The following ZNF569 variants were observed in gnomAD, a reference collection of about 807,000 sequenced individuals.
ZNF569 encodes the protein DNA-binding protein.
A neutral mutation model predicts 56.3 loss-of-function variants in ZNF569; 38 were observed. The ratio of observed to expected loss-of-function variants is 0.68; its 90% CI spans 0.52 to 0.88. The LOEUF (loss-of-function observed/expected upper bound fraction) is 0.88. Among genes scored for constraint, ZNF569 ranks in the 40% least tolerant of loss-of-function variants. The pLI is 0.00. For synonymous variants in ZNF569, 241 were observed against 262.9 expected, an observed-to-expected ratio of 0.92 and a Z score of 0.81; for missense variants, 666 against 809.2, an observed-to-expected ratio of 0.82 and a Z score of 2.15.
intron 1 of ZNF569, 133 bp downstream of exon 1, chr19:37,466,951 G>T: frequency 6.5e-6 from 1 of 152,702 alleles, no homozygotes; most frequent in Non-Finnish European, 1.5e-5. Context: ...CACTGCCTCA[G>T]GGAACCACAA....
rs2040853814 is a variant in ZNF569, at chr19:37,412,475, TG to T, written c.*121del. 7.3e-7 allele frequency: 1 copy of T among 1,366,040 alleles called. No homozygotes were observed. The highest frequency in any genetic ancestry group is 9.4e-7 in the Non-Finnish European group (1 of 1,058,434). The allele number at this position is 1,366,040 out of a possible 1,614,324, so 84.6% of individuals were successfully genotyped here. On this transcript the variant is annotated 3_prime_UTR_variant, in exon 6 of 6. Transcript: ENST00000316950. ...AATTCTCTAATGTTTCATAAATTTG[TG>T]GCTTTTTCAGAAGGCTATCCCACAT...
At chr19:37,419,953 C>CT (rs2041002365) in intron 5 of ZNF569, among the ~76,000 whole-genome samples, 1 of 136,034 alleles carries the variant, frequency 7.4e-6, no homozygotes, top group Non-Finnish European at 1.6e-5. Context: ...GTAGCAATTT[C>CT]TTTTTTCTTT....
At chr19:37,469,020 C>T, upstream of ZNF569, 1 of 983,838 alleles carries the variant, frequency 1.0e-6, no homozygotes, top group South Asian at 4.7e-5. Context: ...AACTCCCCGC[C>T]CTGGTTGCTA....
upstream of ZNF569, chr19:37,467,792 A>T: frequency 7.9e-7 from 1 of 1,261,430 alleles, no homozygotes; most frequent in South Asian, 1.3e-5. Flanking sequence ...GTCCAGTGAC[A>T]TCTGAGGTCG....
At chr19:37,417,943 A>T (rs1050730882) in intron 5 of ZNF569, among the ~76,000 whole-genome samples, 8 of 151,996 alleles carry the variant, frequency 5.3e-5, no homozygotes, top group Non-Finnish European at 8.8e-5. Context: ...TCTACTAAAA[A>T]TACAAAAATT....
At chr19:37,463,079 T>G (rs2041779605) in intron 2 of ZNF569, among the ~76,000 whole-genome samples, 1 of 152,200 alleles carries the variant, frequency 6.6e-6, no homozygotes, top group African/African-American at 2.4e-5. Context: ...AAAACAGTAT[T>G]GTGTCACCTT....
In ZNF569 at chr19:37,413,806, A is replaced by G. The variant is rs765016520; in HGVS notation, c.852T>C (p.Asn284=). The change falls in exon 6 of 6, where the codon AAT becomes AAC. Residue 284 remains asparagine (N), a synonymous_variant. Coordinates refer to ENST00000316950, the MANE Select transcript of ZNF569 (RefSeq NM_152484.3). Reference sequence around the variant, plus strand: ...TATGAATTTTTTCATGATCAATAAGATTTGATTTCTGGCTGAAGGACTTCT... The same window carrying G: ...TATGAATTTTTTCATGATCAATAAGGTTTGATTTCTGGCTGAAGGACTTCT... ...ECEKSFSQKS[N]LIDHEKIHTG... The G allele has an allele frequency of 5.0e-6, 8 of 1,613,422 alleles. No homozygotes were observed. The highest frequency in any genetic ancestry group is 1.1e-5 in the South Asian group (1 of 91,074).
At chr19:37,435,727 CA>C (rs1333661072) in intron 3 of ZNF569, among the ~76,000 whole-genome samples, 1 of 151,822 alleles carries the variant, frequency 6.6e-6, no homozygotes, top group Non-Finnish European at 1.5e-5. Flanking sequence ...GACTTCAAGA[CA>C]AAAACTATAA....
chr19:37,467,817 CTTTT>C (rs2041873811), upstream of ZNF569: 1 of 1,489,522 alleles, frequency 6.7e-7, no homozygotes, highest in Non-Finnish European at 9.1e-7. Context: ...AATATGCGAC[CTTTT>C]GTGTGACCAT....
upstream of ZNF569, chr19:37,467,759 G>A (rs767844565): frequency 4.6e-5 from 39 of 839,586 alleles, no homozygotes; most frequent in Non-Finnish European, 7.0e-5. Context: ...ATTTGGAGTG[G>A]GGTTTCCAGG....
chr19:37,412,458 A>G lies in ZNF569; in HGVS notation c.*139T>C, dbSNP rs1470265149. On this transcript the variant is annotated 3_prime_UTR_variant, in exon 6 of 6. Coordinates refer to ENST00000316950, the MANE Select transcript of ZNF569 (RefSeq NM_152484.3). ...ATTTGTCACCTTGGAAGAATTCTCT[A>G]ATGTTTCATAAATTTGTGGCTTTTT... 3.0e-6 allele frequency: 4 copies of G among 1,346,120 alleles called. No homozygotes were observed. The highest frequency in any genetic ancestry group is 3.8e-6 in the Non-Finnish European group (4 of 1,044,916). 83.4% of individuals were successfully genotyped at this position (1,346,120 alleles called of 1,614,324 possible).
chr19:37,432,357 G>A (rs2041240184), intron 3 of ZNF569, among the ~76,000 whole-genome samples: 1 of 152,206 alleles, frequency 6.6e-6, no homozygotes, highest in Non-Finnish European at 1.5e-5. Context: ...AAGACAACAA[G>A]AGTCTCTACC....
chr19:37,458,467 T>G (rs2041707718), intron 2 of ZNF569, among the ~76,000 whole-genome samples: 1 of 152,242 alleles, frequency 6.6e-6, no homozygotes, highest in African/African-American at 2.4e-5. Context: ...CATCAGTTCC[T>G]TCTTGCCTTT....
chr19:37,469,041 G>A, upstream of ZNF569: 2 of 990,882 alleles, frequency 2.0e-6, no homozygotes, highest in African/African-American at 1.7e-5. Context: ...AGGGAGGCGC[G>A]CAGAGCGCTT....
At chr19:37,456,962 C>T (rs113352249) in intron 2 of ZNF569, among the ~76,000 whole-genome samples, 1,850 of 143,830 alleles carry the variant, frequency 0.013, 43 homozygotes, top group African/African-American at 0.045. Context: ...AGGGAGACAC[C>T]GTCTCAAAAA....
chr19:37,429,242 T>A (rs2041186286), intron 3 of ZNF569, among the ~76,000 whole-genome samples: 1 of 152,088 alleles, frequency 6.6e-6, no homozygotes, highest in Non-Finnish European at 1.5e-5. Context: ...AGGCACGAGG[T>A]ATACCATTTC....
chr19:37,466,393 A>G (rs6508724), intron 1 of ZNF569, among the ~76,000 whole-genome samples: 97,033 of 151,636 alleles, frequency 0.64, 32,661 homozygotes, highest in African/African-American at 0.86. Context: ...ACTTTGGGAG[A>G]ACGAGGCGGG....
chr19:37,467,620 C>T (rs1343270826), upstream of ZNF569: 2 of 558,920 alleles, frequency 3.6e-6, no homozygotes, highest in Admixed American at 3.2e-5. Context: ...TAGAATACAG[C>T]GGGGTGAAGG....
chr19:37,436,460 A>T (rs1600317596), intron 3 of ZNF569, among the ~76,000 whole-genome samples: 1 of 151,978 alleles, frequency 6.6e-6, no homozygotes, highest in Non-Finnish European at 1.5e-5. Context: ...ACTCAAAATT[A>T]TTAGAAGAAA....
Sources: gnomAD v4.1 joint callset for allele counts (sites outside exome capture counted in the v4.1 genomes callset) on GRCh38, gnomAD v4.1.1 for gene constraint, MANE v1.5 for transcripts, NCBI Gene and HGNC (gene_info 2026-07-23, HGNC 2026-07-21) for gene names.